EIF3G: variants seen among roughly 807,000 people sequenced by gnomAD.
EIF3G encodes eukaryotic translation initiation factor 3 RNA-binding subunit.
EIF3G carries 10 observed loss-of-function variants against 41.7 expected under a neutral mutation model. The observed-to-expected ratio is 0.24, with a 90% confidence interval of 0.15 to 0.41. EIF3G has a LOEUF of 0.41. Among genes scored for constraint, EIF3G ranks in the 10% least tolerant of loss-of-function variants. The probability of loss-of-function intolerance (pLI) is 1.00; values close to 1 mark genes in which losing one functional copy is unlikely to be tolerated. For missense variants in EIF3G, 297 were observed against 444.0 expected, an observed-to-expected ratio of 0.67 and a Z score of 2.98; for synonymous variants, 204 against 172.5, an observed-to-expected ratio of 1.18 and a Z score of -1.43.
At chr19:10,118,845 C>T (rs2290687) in intron 4 of EIF3G, 23 bp downstream of exon 4, 703,479 of 1,611,230 alleles carry the variant, frequency 0.44, 155,526 homozygotes, top group Admixed American at 0.49. Context: ...AGGGTCCCCA[C>T]TCCCTGCACC....
intron 5 of EIF3G, 68 bp from the exon 6 acceptor site, chr19:10,117,256 T>G: frequency 8.2e-7 from 1 of 1,218,024 alleles, no homozygotes; most frequent in East Asian, 2.4e-5. Context: ...TGGGGTGCCC[T>G]AGACCTACAA....
At chr19:10,119,534 G>A in intron 2 of EIF3G, 120 bp downstream of exon 2, 1 of 1,330,690 alleles carries the variant, frequency 7.5e-7, no homozygotes, top group Non-Finnish European at 1.0e-6. Context: ...CAAGGAGGAT[G>A]GCGCGGGGCA....
chr19:10,119,878 C>G lies in EIF3G; in HGVS notation c.-19G>C, dbSNP rs531340404. 10 of 1,614,164 alleles carry G rather than the reference C, an allele frequency of 6.2e-6. No individual in the cohort carries two copies. The Admixed American group carries it at 1.5e-4, about 24-fold the overall frequency. On this transcript the variant is annotated 5_prime_UTR_variant, in exon 1 of 11. Coordinates refer to ENST00000253108, the MANE Select transcript of EIF3G (RefSeq NM_003755.5). ...TAGGCATCGCAAAAAGTATTCTCCA[C>G]GCAGCCCAAGCCCGGCCAGAGAGCG...
rs761983718 is a variant in EIF3G, at chr19:10,115,544, C to T, written c.882G>A (p.Ala294=). 1.6e-5 allele frequency: 26 copies of T among 1,613,624 alleles called. No homozygotes were observed. Among genetic ancestry groups the T allele is most frequent in the East Asian group, 4.5e-5 (2 of 44,882 alleles). Residue 294 remains alanine, a synonymous_variant, in exon 10 of 11, where the codon GCG becomes GCA. Coordinates refer to ENST00000253108, the MANE Select transcript of EIF3G (RefSeq NM_003755.5). ...FISFHRREDA[A]RAIAGVSGFG... The stretch of plus-strand genomic sequence containing the variant: ...AGCCGGACACCCCGGCAATGGCACG[C>T]GCAGCATCCTCGCGGCGGTGGAAGC...
At position 10,118,762 on chromosome 19, in the gene EIF3G, G is replaced by A. The variant is rs201595929; in HGVS notation, c.241-35C>T. 8.9e-5 allele frequency: 143 copies of A among 1,612,602 alleles called. No individual in the cohort carries two copies. In the East Asian group the frequency reaches 2.7e-3, roughly 30 times the overall value. ...GGAGGGGAGAAGGGTCAGGCTCCTG[G>A]GACCAAGGGATCTCCTTTATCAACC... On this transcript the variant is annotated intron_variant, in intron 4 of 10. Transcript: ENST00000253108.
At position 10,116,202 on chromosome 19, in the gene EIF3G, G is replaced by C. The variant is rs1325633491; in HGVS notation, c.596-128C>G. On this transcript the variant is annotated intron_variant, in intron 7 of 10. Transcript: ENST00000253108. The surrounding 1 kb of genome is among the most constrained non-coding windows in gnomAD (Gnocchi z 4.1). The stretch of plus-strand genomic sequence containing the variant: ...CTGTGTGCCAAACCACAGGCAGCCA[G>C]TTGGCCACGAGGACACCAAGGTGAC... The C allele has an allele frequency of 3.3e-6, 3 of 909,118 alleles. No homozygotes were observed. The highest frequency in any genetic ancestry group is 5.0e-6 in the Non-Finnish European group (3 of 604,444). The allele number at this position is 909,118 out of a possible 1,614,324, so 56.3% of individuals were successfully genotyped here.
In EIF3G at chr19:10,117,209, G is replaced by A. The variant is rs753264228; in HGVS notation, c.301-21C>T. The A allele has an allele frequency of 1.7e-5, 27 of 1,578,214 alleles. No homozygotes were observed. In the South Asian group the frequency reaches 2.6e-4, roughly 15 times the overall value. ...CAGTTCTGGGCTCAGGGAGGGATGGGGGACAGTTGAGGGCAGGGGCAGGCT... is the reference window on the plus strand; with the variant it reads ...CAGTTCTGGGCTCAGGGAGGGATGGAGGACAGTTGAGGGCAGGGGCAGGCT... On this transcript the variant is annotated intron_variant, in intron 5 of 10. Transcript: ENST00000253108.
intron 9 of EIF3G, 44 bp downstream of exon 9, chr19:10,115,640 A>G (rs2145225959): frequency 1.2e-6 from 2 of 1,610,844 alleles, no homozygotes; most frequent in South Asian, 1.1e-5. Context: ...ACCCTAGGAC[A>G]AGTGACCCTC....
At chr19:10,118,294 G>A (rs1035084744) in intron 5 of EIF3G, 10 of 251,296 alleles carry the variant, frequency 4.0e-5, no homozygotes, top group Admixed American at 3.1e-4. Context: ...GGCCGGGTGC[G>A]ATGGCTCACA....
chr19:10,117,405 G>A, intron 5 of EIF3G: 1 of 549,974 alleles, frequency 1.8e-6, no homozygotes, highest in South Asian at 2.5e-5. Flanking sequence ...TCAGCCTCCG[G>A]GTCCAGGTGA....
rs561913148 is a variant in EIF3G, at chr19:10,116,632, G to A, written c.595+168C>T. On this transcript the variant is annotated intron_variant, in intron 7 of 10. Coordinates refer to ENST00000253108, the MANE Select transcript of EIF3G (RefSeq NM_003755.5). The surrounding 1 kb of genome is among the most constrained non-coding windows in gnomAD (Gnocchi z 4.1). ...GCCAAGTCGCACATATATGGGAGAC[G>A]CCCGTCTCCCAACCATAGGAGGTAC... is the stretch of plus-strand genomic sequence containing the variant. The A allele has an allele frequency of 7.2e-5, 47 of 654,368 alleles. No homozygotes were observed. The highest frequency in any genetic ancestry group is 4.0e-4 in the Admixed American group (14 of 35,040). The allele number at this position is 654,368 out of a possible 1,614,324, so 40.5% of individuals were successfully genotyped here. A position where few individuals can be genotyped will look rare whatever the true frequency, so the allele number is the denominator to read the frequency against.
chr19:10,118,380 A>G (rs1475070380), intron 5 of EIF3G: 1 of 389,536 alleles, frequency 2.6e-6, no homozygotes, highest in East Asian at 6.1e-5. Context: ...AGCCTGGCCA[A>G]CATGGCAAAA....
At chr19:10,118,148 G>A (rs1192326435) in intron 5 of EIF3G, 1 of 152,628 alleles carries the variant, frequency 6.6e-6, no homozygotes, top group East Asian at 1.9e-4. Context: ...ATCGAACTTT[G>A]ATTAGATATT....
In EIF3G at chr19:10,116,139, C is replaced by T. The variant is rs894750810; in HGVS notation, c.596-65G>A. 2.7e-6 allele frequency: 4 copies of T among 1,506,024 alleles called. No individual in the cohort carries two copies. The highest frequency in any genetic ancestry group is 3.9e-5 in the Admixed American group (2 of 51,454). 93.3% of individuals were successfully genotyped at this position (1,506,024 alleles called of 1,614,324 possible). The stretch of plus-strand genomic sequence containing the variant: ...CGCAGGCGTGGGGACAGAGCCGCCC[C>T]AGGAAGCTCGGGCTTCAGTGTTGAG... On this transcript the variant is annotated intron_variant, in intron 7 of 10. Coordinates refer to ENST00000253108, the MANE Select transcript of EIF3G (RefSeq NM_003755.5). This position sits in a 1 kb window ranked among gnomAD's most constrained non-coding sequence, Gnocchi z 4.1.
chr19:10,118,902 TCTGTCA>T lies in EIF3G; in HGVS notation c.200_205del (p.Val67_Thr68del), dbSNP rs777468519. 6.2e-7 allele frequency: 1 copy of T among 1,613,856 alleles called. No homozygotes were observed. The highest frequency in any genetic ancestry group is 8.5e-7 in the Non-Finnish European group (1 of 1,179,982). ...CTTGCCATCCTCATCTATCTTGTAC[TCTGTCA>T]CTGTCTTTATGTTTCCGTTGATGAC... is the stretch of plus-strand genomic sequence containing the variant. On this transcript the variant is annotated inframe_deletion, in exon 4 of 11. Transcript: ENST00000253108.
In EIF3G at chr19:10,117,200, G is replaced by A. The variant is rs1278327115; in HGVS notation, c.301-12C>T. 3 of 1,594,094 alleles carry A rather than the reference G, an allele frequency of 1.9e-6. No individual in the cohort carries two copies. Among genetic ancestry groups the A allele is most frequent in the Non-Finnish European group, 1.7e-6 (2 of 1,167,722 alleles). On this transcript the variant is annotated splice_polypyrimidine_tract_variant and intron_variant, in intron 5 of 10. Transcript: ENST00000253108. Reference sequence around the variant, plus strand: ...AACTTCTTCCAGTTCTGGGCTCAGGGAGGGATGGGGGACAGTTGAGGGCAG... The same window carrying A: ...AACTTCTTCCAGTTCTGGGCTCAGGAAGGGATGGGGGACAGTTGAGGGCAG...
chr19:10,116,038 CCT>C lies in EIF3G; in HGVS notation c.630_631del (p.Gly211GlufsTer41). The C allele has an allele frequency of 6.2e-7, 1 of 1,613,996 alleles. No homozygotes were observed. Among genetic ancestry groups the C allele is most frequent in the Non-Finnish European group, 8.5e-7 (1 of 1,179,936 alleles). On this transcript the variant is annotated frameshift_variant, in exon 8 of 11. Coordinates refer to ENST00000253108, the MANE Select transcript of EIF3G (RefSeq NM_003755.5). LOFTEE classifies it high-confidence loss of function. The surrounding 1 kb of genome is among the most constrained non-coding windows in gnomAD (Gnocchi z 4.1). Reference sequence around the variant, plus strand: ...GCGCAGGCTCGGCGGCACATACTTCCCTGTCTTGTTCTGCGTGGCCTGCACCG... The same window carrying C: ...GCGCAGGCTCGGCGGCACATACTTCCGTCTTGTTCTGCGTGGCCTGCACCG...
intron 3 of EIF3G, 21 bp from the exon 4 acceptor site, chr19:10,118,977 G>C: frequency 1.2e-6 from 2 of 1,614,052 alleles, no homozygotes; most frequent in South Asian, 2.2e-5. Flanking sequence ...GGGAAAAACA[G>C]AGAAAGACTG....
In EIF3G at chr19:10,117,071, T is replaced by C. The variant is rs1180189037; in HGVS notation, c.405+13A>G. ...ACCCCAGGATGCCAGCCCCACCTGA[T>C]TGCCCCGCTTACCTCTTTGCTGGTG... On this transcript the variant is annotated intron_variant, in intron 6 of 10. Transcript: ENST00000253108. 6.2e-6 allele frequency: 10 copies of C among 1,611,792 alleles called. No individual in the cohort carries two copies. The highest frequency in any genetic ancestry group is 8.5e-6 in the Non-Finnish European group (10 of 1,178,618).
Sources: allele counts gnomAD v4.1 joint callset, GRCh38; gene constraint gnomAD v4.1.1; non-coding constraint Gnocchi (gnomAD v3.1); transcripts MANE v1.5; gene names NCBI Gene and HGNC (gene_info 2026-07-23, HGNC 2026-07-21).